The following ROCK1 variants were observed in gnomAD, a reference collection of about 807,000 sequenced individuals.
The protein encoded by ROCK1 is Rho associated coiled-coil containing protein kinase 1.
In ROCK1, 36 loss-of-function variants were observed where a neutral mutation model predicts 196.8. The ratio of observed to expected loss-of-function variants is 0.18; its 90% CI spans 0.14 to 0.24. ROCK1 has a LOEUF of 0.24. ROCK1 is among the 10% of genes least tolerant of loss of function. The pLI, the probability that ROCK1 is intolerant of heterozygous loss-of-function variation, is 1.00. For synonymous variants in ROCK1, 443 were observed against 515.9 expected, an observed-to-expected ratio of 0.86 and a Z score of 1.91; for missense variants, 920 against 1,562.0, an observed-to-expected ratio of 0.59 and a Z score of 6.93.
At chr18:21,025,426 A>G (rs992061881) in intron 10 of ROCK1, among the ~76,000 whole-genome samples, 1 of 152,218 alleles carries the variant, frequency 6.6e-6, no homozygotes, top group African/African-American at 2.4e-5. Context: ...AAGCTAATCA[A>G]TATTTTGCCA....
At chr18:21,095,399 C>G (rs2036605019) in intron 1 of ROCK1, among the ~76,000 whole-genome samples, 1 of 152,130 alleles carries the variant, frequency 6.6e-6, no homozygotes, top group African/African-American at 2.4e-5. Flanking sequence ...GAAGAGATAT[C>G]TGCACTCCCA....
chr18:20,992,874 C>G lies in ROCK1; in HGVS notation c.1949G>C (p.Gly650Ala). Residue 650 changes from glycine (G) to alanine (A), a missense_variant, in exon 17 of 33, where the codon GGA becomes GCA. By Grantham distance (60) the Gly-to-Ala change is moderately conservative. Coordinates refer to ENST00000399799, the MANE Select transcript of ROCK1 (RefSeq NM_005406.3). ...HLKHNLEKVE[G>A]ERKEAQDMLN... Reference sequence around the variant, plus strand: ...CATGTCTTGAGCCTCTTTTCTTTCTCCTTCCACTTTTTCGAGATTATGTTT... The same window carrying G: ...CATGTCTTGAGCCTCTTTTCTTTCTGCTTCCACTTTTTCGAGATTATGTTT... 1 of 1,612,364 alleles carries G rather than the reference C, an allele frequency of 6.2e-7. No individual in the cohort carries two copies. Among genetic ancestry groups the G allele is most frequent in the African/African-American group, 1.3e-5 (1 of 74,998 alleles).
chr18:20,959,061 AT>A (rs1239272745), intron 29 of ROCK1, among the ~76,000 whole-genome samples: 29 of 55,000 alleles, frequency 5.3e-4, no homozygotes, highest in Non-Finnish European at 6.6e-4. Context: ...TATATATTAT[AT>A]TTTATATTAT....
chr18:21,070,309 G>C (rs535425092), intron 2 of ROCK1, among the ~76,000 whole-genome samples: 1 of 152,140 alleles, frequency 6.6e-6, no homozygotes, highest in South Asian at 2.1e-4. Context: ...ACAGTTTTTT[G>C]AATACTTATT....
At chr18:21,065,815 A>G (rs1278758062) in intron 2 of ROCK1, among the ~76,000 whole-genome samples, 2 of 152,196 alleles carry the variant, frequency 1.3e-5, no homozygotes, top group Non-Finnish European at 2.9e-5. Flanking sequence ...GTAAATCTTT[A>G]TATTTCACTA....
intron 9 of ROCK1, among the ~76,000 whole-genome samples, chr18:21,035,525 C>T (rs1222170009): frequency 6.6e-6 from 1 of 152,074 alleles, no homozygotes; most frequent in East Asian, 1.9e-4. Flanking sequence ...TATGACTTAG[C>T]CATTCCACTT....
intron 27 of ROCK1, among the ~76,000 whole-genome samples, chr18:20,962,196 G>C (rs750828526): frequency 6.6e-6 from 1 of 152,086 alleles, no homozygotes; most frequent in Non-Finnish European, 1.5e-5. Flanking sequence ...GCATGCAGAA[G>C]ACTGTTGATC....
intron 17 of ROCK1, 80 bp from the exon 18 acceptor site, chr18:20,991,406 G>A (rs2035624876): frequency 6.6e-6 from 6 of 905,402 alleles, no homozygotes; most frequent in Non-Finnish European, 9.6e-6. Flanking sequence ...TAATATTCTG[G>A]AAGAGATATG....
At chr18:21,099,802 A>G (rs1445140056) in intron 1 of ROCK1, among the ~76,000 whole-genome samples, 4 of 152,146 alleles carry the variant, frequency 2.6e-5, no homozygotes, top group African/African-American at 9.7e-5. Flanking sequence ...TGGGAGGCTG[A>G]GGCAGGCAAG....
intron 16 of ROCK1, among the ~76,000 whole-genome samples, chr18:21,004,750 A>G (rs1384843285): frequency 6.6e-6 from 1 of 152,206 alleles, no homozygotes; most frequent in African/African-American, 2.4e-5. Context: ...AGAGACTTTC[A>G]AACAGCTAAT....
rs924913857 is a variant in ROCK1 at position 21,111,230 on chromosome 18, C to T, written c.-320G>A. The T allele has an allele frequency of 6.1e-6, 3 of 492,518 alleles. No individual in the cohort carries two copies. The highest frequency in any genetic ancestry group is 1.1e-5 in the Non-Finnish European group (3 of 280,998). 30.5% of individuals were successfully genotyped at this position (492,518 alleles called of 1,614,324 possible). ...GTGCTTCAGTCTAGCGGGCCCCGGC[C>T]GCCGTCGCCATGGAGGGGTCCCCGT... On this transcript the variant is annotated 5_prime_UTR_variant, in exon 1 of 33. Transcript: ENST00000399799. This position sits in a 1 kb window ranked among gnomAD's most constrained non-coding sequence, Gnocchi z 4.2.
At chr18:21,026,304 C>T (rs1210732702) in intron 10 of ROCK1, among the ~76,000 whole-genome samples, 12 of 151,822 alleles carry the variant, frequency 7.9e-5, no homozygotes, top group Non-Finnish European at 1.5e-4. Flanking sequence ...ATTAGCCGGG[C>T]ATGGTGGCAC....
At position 21,065,126 on chromosome 18, in the gene ROCK1, A is replaced by T. The variant is rs368053181; in HGVS notation, c.175+5406T>A. On this transcript the variant is annotated intron_variant, in intron 2 of 32. Transcript: ENST00000399799. ...GTGCCACTTGAGAAACCCTGGTCTA[A>T]AGTGAACTGAATGCTTTGTCTCAAG... Among the ~76,000 whole-genome samples, 6 of 152,316 alleles carry T rather than the reference A, an allele frequency of 3.9e-5. No homozygotes were observed. The East Asian group carries it at 7.7e-4, about 20-fold the overall frequency.
At chr18:21,104,579 A>C (rs1194997535) in intron 1 of ROCK1, among the ~76,000 whole-genome samples, 2 of 152,172 alleles carry the variant, frequency 1.3e-5, no homozygotes, top group Non-Finnish European at 2.9e-5. Flanking sequence ...ACTGGGCGGA[A>C]AAAAAACATT....
At chr18:20,960,670 AAGAAT>A (rs1417175551) in intron 27 of ROCK1, 2 of 152,610 alleles carry the variant, frequency 1.3e-5, no homozygotes, top group African/African-American at 4.8e-5. Flanking sequence ...CACAGAAGAC[AAGAAT>A]AGAAGATAAA....
chr18:21,093,781 C>T (rs560280180), intron 1 of ROCK1, among the ~76,000 whole-genome samples: 1 of 151,908 alleles, frequency 6.6e-6, no homozygotes, highest in Non-Finnish European at 1.5e-5. Context: ...ATGGTGAAAC[C>T]CCATCTCTAC....
At position 20,979,951 on chromosome 18, in the gene ROCK1, G is replaced by GT. The variant is rs1336897725; in HGVS notation, c.2612dup (p.Asn871LysfsTer14). The GT allele has an allele frequency of 1.3e-6, 2 of 1,546,504 alleles. No homozygotes were observed. The highest frequency in any genetic ancestry group is 1.8e-4 in the Middle Eastern group (1 of 5,484). ...CCTGTATTTTCTTTAAATTTTCTCT[G>GT]TTTTTTTCTTCAATTTCTTCTTTAA... is the stretch of plus-strand genomic sequence containing the variant. On this transcript the variant is annotated frameshift_variant, in exon 22 of 33. Transcript: ENST00000399799. LOFTEE classifies it high-confidence loss of function.
intron 18 of ROCK1, among the ~76,000 whole-genome samples, chr18:20,988,621 G>A (rs2035597179): frequency 6.6e-6 from 1 of 152,034 alleles, no homozygotes; most frequent in African/African-American, 2.4e-5. Flanking sequence ...TATCACTTCT[G>A]CCTGTAATGC....
At chr18:20,985,574 T>C (rs1472644453) in intron 19 of ROCK1, among the ~76,000 whole-genome samples, 1 of 152,228 alleles carries the variant, frequency 6.6e-6, no homozygotes, top group Non-Finnish European at 1.5e-5. Context: ...GTTACTATTT[T>C]AATATCTGTT....
Sources: gnomAD v4.1 joint callset for allele counts (sites outside exome capture counted in the v4.1 genomes callset) on GRCh38, gnomAD v4.1.1 for gene constraint, Gnocchi (gnomAD v3.1) non-coding constraint, MANE v1.5 for transcripts, NCBI Gene and HGNC (gene_info 2026-07-23, HGNC 2026-07-21) for gene names.